The following UXS1 variants were observed in gnomAD, a reference collection of about 807,000 sequenced individuals.
UXS1 encodes the protein UDP-glucuronate decarboxylase 1, also known as UDP-glucuronic acid decarboxylase 1.
Under a neutral mutation model 62.6 loss-of-function variants are expected in UXS1, and 33 were observed. That is an observed-to-expected ratio of 0.53 (90% CI 0.40 to 0.70). The LOEUF is 0.70. Ranked by LOEUF, UXS1 falls within the 30% of genes least tolerant of loss-of-function variation. UXS1 has a pLI of 0.00. For missense variants in UXS1, 434 were observed against 556.3 expected, an observed-to-expected ratio of 0.78 and a Z score of 2.21; for synonymous variants, 213 against 206.8, an observed-to-expected ratio of 1.03 and a Z score of -0.26.
intron 2 of UXS1, 76 bp downstream of exon 2, chr2:106,165,980 T>C: frequency 7.2e-7 from 1 of 1,381,412 alleles, no homozygotes; most frequent in Non-Finnish European, 1.0e-6. Flanking sequence ...ACCCATGACA[T>C]CCATGGTATA....
intron 5 of UXS1, among the ~76,000 whole-genome samples, chr2:106,146,355 C>G (rs1681565032): frequency 6.6e-6 from 1 of 152,220 alleles, no homozygotes; most frequent in African/African-American, 2.4e-5. Flanking sequence ...GCAATCCTTT[C>G]TACCTAAAAT....
intron 9 of UXS1, among the ~76,000 whole-genome samples, 197 bp from the exon 10 acceptor site, chr2:106,112,962 A>G (rs1339997987): frequency 3.3e-5 from 5 of 152,208 alleles, no homozygotes; most frequent in African/African-American, 1.2e-4. Flanking sequence ...GCTATACCAA[A>G]GAGAGTCAAA....
chr2:106,113,407 T>C (rs1678785418), intron 9 of UXS1, among the ~76,000 whole-genome samples: 2 of 152,250 alleles, frequency 1.3e-5, no homozygotes, highest in South Asian at 4.1e-4. Flanking sequence ...GTTTAAATAG[T>C]CATCCCTCCT....
chr2:106,177,722 C>T (rs189031015), intron 1 of UXS1, among the ~76,000 whole-genome samples: 1 of 152,324 alleles, frequency 6.6e-6, no homozygotes. Context: ...GATACTGAAT[C>T]TGCTGGGGCC....
chr2:106,151,114 C>G (rs1681978802), intron 5 of UXS1, among the ~76,000 whole-genome samples: 1 of 152,056 alleles, frequency 6.6e-6, no homozygotes, highest in Admixed American at 6.6e-5. Context: ...TTTCACAGGC[C>G]CATAGCTGAA....
At chr2:106,142,889 A>ATGTGTGGG (rs145927752) in intron 6 of UXS1, among the ~76,000 whole-genome samples, 1 of 150,576 alleles carries the variant, frequency 6.6e-6, no homozygotes, top group Non-Finnish European at 1.5e-5. Flanking sequence ...ACTTCATTCA[A>ATGTGTGGG]TGTGTGGGTG....
chr2:106,124,779 T>C (rs1368071079), intron 8 of UXS1, among the ~76,000 whole-genome samples: 3 of 152,166 alleles, frequency 2.0e-5, no homozygotes, highest in Non-Finnish European at 4.4e-5. Context: ...GACAATGAAC[T>C]ACCTTTTCAT....
intron 11 of UXS1, chr2:106,102,590 G>A (rs1573398289): frequency 6.6e-6 from 1 of 152,194 alleles, no homozygotes; most frequent in South Asian, 2.1e-4. Flanking sequence ...AACCGGCCAT[G>A]AGAATATTAA....
intron 12 of UXS1, among the ~76,000 whole-genome samples, chr2:106,100,466 C>T (rs1381472441): frequency 6.6e-6 from 1 of 152,120 alleles, no homozygotes; most frequent in Non-Finnish European, 1.5e-5. Context: ...GATTTCTGGT[C>T]CAATATGAGG....
At chr2:106,190,553 C>A (rs553726260) in intron 1 of UXS1, among the ~76,000 whole-genome samples, 1 of 152,076 alleles carries the variant, frequency 6.6e-6, no homozygotes, top group Non-Finnish European at 1.5e-5. Flanking sequence ...TGAGACCAGC[C>A]TGACCAACAT....
intron 10 of UXS1, among the ~76,000 whole-genome samples, chr2:106,107,436 C>A (rs990275989): frequency 6.6e-6 from 1 of 152,218 alleles, no homozygotes; most frequent in Admixed American, 6.5e-5. Context: ...ACAGTGGCAG[C>A]TTTCCATTCC....
rs559919636 is a variant in UXS1 at position 106,188,037 on chromosome 2, C to T, written c.94+6111G>A. On this transcript the variant is annotated intron_variant, in intron 1 of 14. Transcript: ENST00000283148. ...GATTACAGGCATGAGCCACCGCGAC[C>T]AGCCTTAACTCTAACTTTCAAAGGC... Among the ~76,000 whole-genome samples the T allele has an allele frequency of 9.8e-5, 15 of 152,364 alleles. No homozygotes were observed. The South Asian group carries it at 3.1e-3, about 32-fold the overall frequency.
chr2:106,143,847 G>A (rs1283369646), intron 6 of UXS1, among the ~76,000 whole-genome samples: 2 of 152,182 alleles, frequency 1.3e-5, no homozygotes, highest in Non-Finnish European at 2.9e-5. Context: ...AACCTCTCCA[G>A]CTTCCCTTCT....
intron 6 of UXS1, among the ~76,000 whole-genome samples, chr2:106,130,895 G>T (rs1449097839): frequency 6.6e-6 from 1 of 152,136 alleles, no homozygotes. Context: ...AAGTCTGGGG[G>T]GGAGGAGCCA....
intron 2 of UXS1, 31 bp from the exon 3 acceptor site, chr2:106,164,830 G>A: frequency 5.9e-6 from 9 of 1,513,002 alleles, no homozygotes; most frequent in Non-Finnish European, 8.1e-6. Context: ...GAAAGGCTTT[G>A]TGACTTTAAG....
chr2:106,111,935 G>A (rs1440259880), intron 10 of UXS1, among the ~76,000 whole-genome samples: 1 of 152,188 alleles, frequency 6.6e-6, no homozygotes, highest in Non-Finnish European at 1.5e-5. Flanking sequence ...AGTGACCGGG[G>A]AGCTGGGGGT....
intron 4 of UXS1, among the ~76,000 whole-genome samples, chr2:106,163,460 G>A (rs1168919902): frequency 6.6e-6 from 1 of 152,190 alleles, no homozygotes. Context: ...AAATTCAGAC[G>A]TTCAGAGTTT....
At chr2:106,126,134 C>T (rs1250897963) in intron 7 of UXS1, among the ~76,000 whole-genome samples, 4 of 152,180 alleles carry the variant, frequency 2.6e-5, no homozygotes, top group Admixed American at 1.3e-4. Flanking sequence ...TAACTCTCCA[C>T]TCATTCTTCT....
chr2:106,143,557 C>T (rs575539842), intron 6 of UXS1, among the ~76,000 whole-genome samples: 1 of 152,158 alleles, frequency 6.6e-6, no homozygotes, highest in South Asian at 2.1e-4. Context: ...ATTCACGATC[C>T]GATCTGACAG....
Sources: gnomAD v4.1 joint callset for allele counts (sites outside exome capture counted in the v4.1 genomes callset) on GRCh38, gnomAD v4.1.1 for gene constraint, MANE v1.5 for transcripts, NCBI Gene and HGNC (gene_info 2026-07-23, HGNC 2026-07-21) for gene names.